Variants in TRPM3 observed in about 807,000 individuals in gnomAD.
TRPM3 encodes transient receptor potential cation channel subfamily M member 3.
TRPM3 carries 77 observed loss-of-function variants against 181.2 expected under a neutral mutation model. That is an observed-to-expected ratio of 0.42 (90% CI 0.35 to 0.51). TRPM3 has a LOEUF of 0.51. Among genes scored for constraint, TRPM3 ranks in the 20% least tolerant of loss-of-function variants. The probability of loss-of-function intolerance (pLI) is 0.01; values close to 1 mark genes in which losing one functional copy is unlikely to be tolerated. For missense variants in TRPM3, 1,759 were observed against 2,196.7 expected (o/e 0.80, Z 3.98); for synonymous variants, 745 against 796.4 (o/e 0.94, Z 1.09).
intron 1 of TRPM3, among the ~76,000 whole-genome samples, chr9:70,946,018 A>G (rs961490170): frequency 2.0e-5 from 3 of 152,230 alleles, no homozygotes; most frequent in African/African-American, 4.8e-5. Context: ...AAGCAGACAT[A>G]CTTTTAGTCA....
intron 12 of TRPM3, among the ~76,000 whole-genome samples, chr9:70,631,943 G>A (rs918484002): frequency 6.6e-6 from 1 of 152,088 alleles, no homozygotes; most frequent in Non-Finnish European, 1.5e-5. Context: ...TTTACATATA[G>A]TTTTACAGAT....
intron 1 of TRPM3, among the ~76,000 whole-genome samples, chr9:71,332,376 GGTGTGTGTGTGT>G (rs3041716): frequency 7.0e-6 from 1 of 142,246 alleles, no homozygotes; most frequent in Non-Finnish European, 1.6e-5. Flanking sequence ...TTCAATGTTG[GGTGTGTGTGTGT>G]GTGTGTGTGT....
intron 12 of TRPM3, among the ~76,000 whole-genome samples, chr9:70,626,558 C>A (rs2064652361): frequency 6.6e-6 from 1 of 152,166 alleles, no homozygotes; most frequent in African/African-American, 2.4e-5. Context: ...AACTTGGTGA[C>A]ATTACAAACG....
intron 1 of TRPM3, among the ~76,000 whole-genome samples, chr9:70,872,844 C>T (rs2095811266): frequency 6.6e-6 from 1 of 151,938 alleles, no homozygotes; most frequent in African/African-American, 2.4e-5. Flanking sequence ...CACATTAATT[C>T]TTCATTGGAA....
Position 70,620,280 on chromosome 9 carries a change from T to C in TRPM3, c.1925A>G (p.Asn642Ser). The change falls in exon 16 of 26, where the codon AAC (asparagine) becomes AGC (serine). Residue 642 changes from asparagine to serine, a missense_variant. By Grantham distance (46) the Asn-to-Ser change is conservative. Transcript: ENST00000677713. ...VDIDLDDPEI[N>S]HFPFPFHELM... ...CTCATGGAAAGGGAAGGGGAAGTGG[T>C]TGATCTCAGGATCATCCAAGTCAAT... 2 of 1,614,218 alleles carry C rather than the reference T, an allele frequency of 1.2e-6. No homozygotes were observed. The highest frequency in any genetic ancestry group is 2.2e-5 in the South Asian group (2 of 91,090).
chr9:70,789,370 G>A (rs562798748), intron 6 of TRPM3, among the ~76,000 whole-genome samples: 152 of 152,126 alleles, frequency 1.0e-3, no homozygotes, highest in Non-Finnish European at 1.8e-3. Context: ...TTTGTGTCTC[G>A]CTCAGCTAAA....
chr9:70,831,454 G>T (rs533959351), intron 5 of TRPM3, among the ~76,000 whole-genome samples: 1 of 145,568 alleles, frequency 6.9e-6, no homozygotes, highest in Non-Finnish European at 1.5e-5. Context: ...TTCATAATTT[G>T]TAAGTGTACT....
chr9:70,839,650 C>G (rs1458046565), intron 5 of TRPM3, among the ~76,000 whole-genome samples: 1 of 152,128 alleles, frequency 6.6e-6, no homozygotes, highest in East Asian at 1.9e-4. Context: ...TGGAGCCTTT[C>G]TTTTATCCTT....
intron 1 of TRPM3, among the ~76,000 whole-genome samples, chr9:71,420,017 TCA>T (rs2093701644): frequency 6.6e-6 from 1 of 152,032 alleles, no homozygotes; most frequent in African/African-American, 2.4e-5. Flanking sequence ...AATCAACTAG[TCA>T]CAGTCCAATT....
intron 8 of TRPM3, among the ~76,000 whole-genome samples, chr9:70,686,063 ATAT>A (rs937637252): frequency 6.0e-5 from 9 of 151,204 alleles, no homozygotes; most frequent in East Asian, 1.9e-4. Context: ...GTGTATATAC[ATAT>A]TAATACATAT....
chr9:71,247,914 G>T (rs111992611), intron 1 of TRPM3, among the ~76,000 whole-genome samples: 1 of 152,234 alleles, frequency 6.6e-6, no homozygotes, highest in African/African-American at 2.4e-5. Flanking sequence ...TAAAGTGAAG[G>T]CCTTAAAATA....
chr9:71,187,778 G>A (rs1041308417), intron 1 of TRPM3, among the ~76,000 whole-genome samples: 1 of 151,686 alleles, frequency 6.6e-6, no homozygotes, highest in African/African-American at 2.4e-5. Context: ...CATATTCCAA[G>A]AATATATGAT....
chr9:70,999,716 T>C (rs1395544242), intron 1 of TRPM3, among the ~76,000 whole-genome samples: 1 of 152,174 alleles, frequency 6.6e-6, no homozygotes, highest in Non-Finnish European at 1.5e-5. Context: ...ATTTGACTCA[T>C]ATGTTGATCC....
At chr9:71,173,128 A>G (rs562243427) in intron 1 of TRPM3, among the ~76,000 whole-genome samples, 17 of 152,286 alleles carry the variant, frequency 1.1e-4, no homozygotes, top group South Asian at 1.0e-3. Flanking sequence ...TGTTTTCTTT[A>G]CAACTAGACT....
chr9:71,023,312 G>A (rs930884571), intron 1 of TRPM3, among the ~76,000 whole-genome samples: 2 of 152,142 alleles, frequency 1.3e-5, no homozygotes, highest in Non-Finnish European at 2.9e-5. Context: ...CTGTCAGGAT[G>A]GTGAAAATAA....
intron 1 of TRPM3, among the ~76,000 whole-genome samples, chr9:71,128,260 C>T (rs2074168368): frequency 6.6e-6 from 1 of 152,142 alleles, no homozygotes; most frequent in Non-Finnish European, 1.5e-5. Context: ...AAAGGTCTCA[C>T]TTTGGAAAAG....
chr9:71,146,696 T>C (rs56233313), intron 1 of TRPM3, among the ~76,000 whole-genome samples: 32,556 of 152,062 alleles, frequency 0.21, 4,122 homozygotes, highest in East Asian at 0.32. Context: ...CTAGACGCCA[T>C]TACTGGTTAC....
chr9:71,155,339 CAG>C (rs2059353417), intron 1 of TRPM3, among the ~76,000 whole-genome samples: 1 of 151,730 alleles, frequency 6.6e-6, no homozygotes. Flanking sequence ...TTTTTTGAGA[CAG>C]AGTTTCACTC....
chr9:70,628,400 C>T (rs1206864941), intron 12 of TRPM3, among the ~76,000 whole-genome samples: 1 of 152,218 alleles, frequency 6.6e-6, no homozygotes, highest in East Asian at 1.9e-4. Context: ...GGGGTTTGCA[C>T]TCCATGGCCT....
Sources: gnomAD v4.1 joint callset for allele counts (sites outside exome capture counted in the v4.1 genomes callset) on GRCh38, gnomAD v4.1.1 for gene constraint, MANE v1.5 for transcripts, NCBI Gene and HGNC (gene_info 2026-07-23, HGNC 2026-07-21) for gene names.